ST6GALNAC3: variants seen among roughly 807,000 people sequenced by gnomAD.
ST6GALNAC3 encodes the protein alpha-N-acetylgalactosaminide alpha-2,6-sialyltransferase 3.
ST6GALNAC3 carries 25 observed loss-of-function variants against 32.7 expected under a neutral mutation model. The observed-to-expected ratio is 0.76, with a 90% CI of 0.56 to 1.07. The LOEUF (loss-of-function observed/expected upper bound fraction) is 1.07, where lower values mean the gene tolerates loss of function less well. Among genes scored for constraint, ST6GALNAC3 ranks in the 50% least tolerant of loss-of-function variants. The probability of loss-of-function intolerance (pLI) is 0.00; values close to 1 mark genes in which losing one functional copy is unlikely to be tolerated. For missense variants in ST6GALNAC3, 355 were observed against 382.4 expected (o/e 0.93, Z 0.60); for synonymous variants, 129 against 133.1 (o/e 0.97, Z 0.21).
chr1:76,169,306 C>T (rs1236752266), intron 1 of ST6GALNAC3, among the ~76,000 whole-genome samples: 1 of 152,172 alleles, frequency 6.6e-6, no homozygotes, highest in African/African-American at 2.4e-5. Context: ...AGAGTTTCTG[C>T]TGAGAGGTCT....
chr1:76,205,551 A>G (rs1654773352), intron 1 of ST6GALNAC3, among the ~76,000 whole-genome samples: 1 of 152,192 alleles, frequency 6.6e-6, no homozygotes, highest in Non-Finnish European at 1.5e-5. Flanking sequence ...TCCCTTTTCA[A>G]AAGAGCATCT....
intron 3 of ST6GALNAC3, among the ~76,000 whole-genome samples, chr1:76,463,818 G>T (rs536175689): frequency 2.5e-4 from 38 of 152,098 alleles, no homozygotes; most frequent in Non-Finnish European, 4.7e-4. Flanking sequence ...TGCAATCGAG[G>T]GCTCCCTTGC....
In ST6GALNAC3 at chr1:76,279,029, T is replaced by C. The variant is rs555078769; in HGVS notation, c.19-34776T>C. Among the ~76,000 whole-genome samples, 12 of 152,314 alleles carry C rather than the reference T, an allele frequency of 7.9e-5. No individual in the cohort carries two copies. In the South Asian group the frequency reaches 2.1e-3, roughly 26 times the overall value. On this transcript the variant is annotated intron_variant, in intron 1 of 4. Coordinates refer to ENST00000328299, the MANE Select transcript of ST6GALNAC3 (RefSeq NM_152996.4). ...CTCCCCTCACTAAGGTCAGCAGACA[T>C]TTGATACAACTTTATCCATCTCTTC... is the stretch of plus-strand genomic sequence containing the variant.
chr1:76,112,500 G>A (rs964088297), intron 1 of ST6GALNAC3, among the ~76,000 whole-genome samples: 4 of 151,414 alleles, frequency 2.6e-5, no homozygotes, highest in African/African-American at 4.9e-5. Context: ...CAGATGGGGC[G>A]GCTGGCCGGG....
chr1:76,567,119 A>G (rs917065724), intron 3 of ST6GALNAC3, among the ~76,000 whole-genome samples: 5 of 152,204 alleles, frequency 3.3e-5, no homozygotes, highest in Non-Finnish European at 7.3e-5. Flanking sequence ...CTTGTTCTAT[A>G]TGTAGAAAGC....
intron 1 of ST6GALNAC3, among the ~76,000 whole-genome samples, chr1:76,257,718 C>A (rs564173491): frequency 2.9e-4 from 44 of 152,042 alleles, no homozygotes; most frequent in African/African-American, 9.6e-4. Flanking sequence ...AATGAAAGCC[C>A]GTAGCTTCTA....
intron 3 of ST6GALNAC3, among the ~76,000 whole-genome samples, chr1:76,593,889 G>A (rs991778314): frequency 1.3e-5 from 2 of 152,256 alleles, no homozygotes; most frequent in Admixed American, 1.3e-4. Context: ...GATGGCAGAG[G>A]AGGGAGACCT....
intron 1 of ST6GALNAC3, among the ~76,000 whole-genome samples, chr1:76,280,048 G>A (rs1367526866): frequency 1.3e-5 from 2 of 150,924 alleles, no homozygotes; most frequent in African/African-American, 4.9e-5. Context: ...CTCATTTTTC[G>A]TTCTCTTATT....
Position 76,630,734 on chromosome 1 carries a change from TA to T in ST6GALNAC3, c.*1930del, listed in dbSNP as rs1361944560. On this transcript the variant is annotated 3_prime_UTR_variant, in exon 5 of 5. Coordinates refer to ENST00000328299, the MANE Select transcript of ST6GALNAC3 (RefSeq NM_152996.4). ...CAATATTCACACCCATAAACATTAC[TA>T]AGCCCCAGTTCTATCGTTGGAAGGA... 1.0e-6 allele frequency: 1 copy of T among 985,572 alleles called. No individual in the cohort carries two copies. Among genetic ancestry groups the T allele is most frequent in the African/African-American group, 1.7e-5 (1 of 57,204 alleles). The allele number at this position is 985,572 out of a possible 1,614,324, so 61.1% of individuals were successfully genotyped here. A position where few individuals can be genotyped will look rare whatever the true frequency, so the allele number is the denominator to read the frequency against.
chr1:76,229,947 T>C (rs1206596295), intron 1 of ST6GALNAC3, among the ~76,000 whole-genome samples: 1 of 152,186 alleles, frequency 6.6e-6, no homozygotes, highest in African/African-American at 2.4e-5. Flanking sequence ...TTTTTTAAAA[T>C]GTAAAACTAT....
intron 1 of ST6GALNAC3, among the ~76,000 whole-genome samples, chr1:76,080,670 A>C (rs1474582915): frequency 2.6e-5 from 4 of 152,012 alleles, no homozygotes; most frequent in African/African-American, 7.2e-5. Context: ...AAACACCCAC[A>C]ACCAAATGAT....
intron 1 of ST6GALNAC3, among the ~76,000 whole-genome samples, chr1:76,309,805 T>C (rs1646721560): frequency 6.6e-6 from 1 of 152,152 alleles, no homozygotes; most frequent in African/African-American, 2.4e-5. Flanking sequence ...AGAGGGTGTC[T>C]GGCTTCTGCT....
In ST6GALNAC3 at chr1:76,251,837, A is replaced by G. The variant is rs571390777; in HGVS notation, c.19-61968A>G. Among the ~76,000 whole-genome samples, 3 of 152,208 alleles carry G rather than the reference A, an allele frequency of 2.0e-5. No homozygotes were observed. In the South Asian group the frequency reaches 6.2e-4, roughly 32 times the overall value. On this transcript the variant is annotated intron_variant, in intron 1 of 4. Coordinates refer to ENST00000328299, the MANE Select transcript of ST6GALNAC3 (RefSeq NM_152996.4). ...CATCTATAAACCGTTCTGCTCCTAGATAAGCAGGGACTGTCCTGCCTGTGC... is the reference window on the plus strand; with the variant it reads ...CATCTATAAACCGTTCTGCTCCTAGGTAAGCAGGGACTGTCCTGCCTGTGC...
chr1:76,325,041 G>A (rs1272100464), intron 2 of ST6GALNAC3, among the ~76,000 whole-genome samples: 1 of 152,052 alleles, frequency 6.6e-6, no homozygotes, highest in African/African-American at 2.4e-5. Flanking sequence ...CTCATAGGTG[G>A]GAATTGAACA....
chr1:76,241,801 C>T (rs973366078), intron 1 of ST6GALNAC3, among the ~76,000 whole-genome samples: 4 of 152,014 alleles, frequency 2.6e-5, no homozygotes, highest in Non-Finnish European at 4.4e-5. Flanking sequence ...TAATAAAATA[C>T]GTTATTAAAA....
chr1:76,564,426 A>G (rs1242843962), intron 3 of ST6GALNAC3, among the ~76,000 whole-genome samples: 1 of 152,190 alleles, frequency 6.6e-6, no homozygotes, highest in African/African-American at 2.4e-5. Flanking sequence ...AACTTAATTC[A>G]AAAGAATCCC....
At chr1:76,159,224 T>C (rs186862544) in intron 1 of ST6GALNAC3, among the ~76,000 whole-genome samples, 17 of 152,336 alleles carry the variant, frequency 1.1e-4, no homozygotes, top group Admixed American at 8.5e-4. Flanking sequence ...AGTCTTGCTC[T>C]GTCAGCCAGG....
chr1:76,252,975 G>A (rs900000951), intron 1 of ST6GALNAC3, among the ~76,000 whole-genome samples: 5 of 152,058 alleles, frequency 3.3e-5, no homozygotes, highest in African/African-American at 4.8e-5. Context: ...ATGCACTAGT[G>A]GGGGAGGTAG....
chr1:76,170,738 A>G (rs1652435896), intron 1 of ST6GALNAC3, among the ~76,000 whole-genome samples: 1 of 152,158 alleles, frequency 6.6e-6, no homozygotes, highest in Non-Finnish European at 1.5e-5. Context: ...TGTCTGGTGA[A>G]AGGCAGACAA....
Sources: allele counts gnomAD v4.1 joint callset (sites outside exome capture counted in the v4.1 genomes callset), GRCh38; gene constraint gnomAD v4.1.1; transcripts MANE v1.5; gene names NCBI Gene and HGNC (gene_info 2026-07-23, HGNC 2026-07-21).